The following SRCIN1 variants were observed in gnomAD, a reference collection of about 807,000 sequenced individuals.
SRCIN1 encodes SRC kinase signaling inhibitor 1.
In SRCIN1, 50 loss-of-function variants were observed where a neutral mutation model predicts 116.2. That is an observed-to-expected ratio of 0.43 (90% confidence interval 0.34 to 0.54). The LOEUF (loss-of-function observed/expected upper bound fraction) is 0.54. Ranked by LOEUF, SRCIN1 falls within the 20% of genes least tolerant of loss-of-function variation. SRCIN1 has a pLI of 0.02. For synonymous variants in SRCIN1, 736 were observed against 750.0 expected, an observed-to-expected ratio of 0.98 and a Z score of 0.30; for missense variants, 1,446 against 1,672.0, an observed-to-expected ratio of 0.86 and a Z score of 2.36.
At chr17:38,565,433 A>G (rs1307892165) in intron 3 of SRCIN1, among the ~76,000 whole-genome samples, 3 of 152,186 alleles carry the variant, frequency 2.0e-5, no homozygotes, top group Non-Finnish European at 4.4e-5. Context: ...CAAATTGTCT[A>G]TTTTTAACAA....
chr17:38,564,361 C>CG (rs1906530674), intron 3 of SRCIN1, 48 bp from the exon 4 acceptor site: 1 of 1,205,024 alleles, frequency 8.3e-7, no homozygotes, highest in Non-Finnish European at 1.1e-6. Context: ...AGCACCCCCC[C>CG]TCCCCTTTGC....
chr17:38,605,718 C>CG lies in SRCIN1; in HGVS notation c.-14dup, dbSNP rs1174657023. 2 of 1,056,068 alleles carry CG rather than the reference C, an allele frequency of 1.9e-6. No individual in the cohort carries two copies. Among genetic ancestry groups the CG allele is most frequent in the Admixed American group, 4.9e-5 (1 of 20,316 alleles). The allele number at this position is 1,056,068 out of a possible 1,614,324, so 65.4% of individuals were successfully genotyped here. ...GAGCGTTCCCCATCGGGCGGGGGCG[C>CG]GGGGGGCGGGGGCCCCGGGCCGGCC... On this transcript the variant is annotated 5_prime_UTR_variant, in exon 1 of 19. Transcript: ENST00000617146.
chr17:38,605,497 C>A (rs1909308965), intron 1 of SRCIN1, among the ~76,000 whole-genome samples, 187 bp downstream of exon 1: 1 of 150,742 alleles, frequency 6.6e-6, no homozygotes, highest in Admixed American at 6.6e-5. Flanking sequence ...TTCTCCCAAG[C>A]CCGGCGCACA....
chr17:38,589,070 A>G (rs1908299617), intron 1 of SRCIN1, among the ~76,000 whole-genome samples: 1 of 152,216 alleles, frequency 6.6e-6, no homozygotes, highest in Admixed American at 6.5e-5. Flanking sequence ...GCACCTCGGC[A>G]TGCGCCTGGC....
At position 38,563,680 on chromosome 17, in the gene SRCIN1, C is replaced by T. The variant is rs765497931; in HGVS notation, c.542-159G>A. 14 of 1,046,456 alleles carry T rather than the reference C, an allele frequency of 1.3e-5. No individual in the cohort carries two copies. The highest frequency in any genetic ancestry group is 1.9e-5 in the Non-Finnish European group (13 of 702,086). The allele number at this position is 1,046,456 out of a possible 1,614,324, so 64.8% of individuals were successfully genotyped here. A position where few individuals can be genotyped will look rare whatever the true frequency, so the allele number is the denominator to read the frequency against. ...CAGATGCACCCAGGCACCTCTCATG[C>T]TGCCGGCGGGGGCGCCAGGCCGGCT... On this transcript the variant is annotated intron_variant, in intron 4 of 18. Transcript: ENST00000617146. The surrounding 1 kb of genome is among the most constrained non-coding windows in gnomAD (Gnocchi z 5.8).
At chr17:38,570,681 G>T (rs1291646544) in intron 2 of SRCIN1, among the ~76,000 whole-genome samples, 1 of 152,248 alleles carries the variant, frequency 6.6e-6, no homozygotes, top group Non-Finnish European at 1.5e-5. Flanking sequence ...TAAAGACAGG[G>T]CCTGGCCACA....
At chr17:38,606,702 C>T (rs1223187774), upstream of SRCIN1, among the ~76,000 whole-genome samples, 2 of 152,362 alleles carry the variant, frequency 1.3e-5, no homozygotes, top group East Asian at 1.9e-4. The surrounding 1 kb of genome is among the most constrained non-coding windows in gnomAD (Gnocchi z 5.2). Context: ...CCGCAGAGCA[C>T]TAGCTCGGCT....
At position 38,558,173 on chromosome 17, in the gene SRCIN1, C is replaced by A; in HGVS notation, c.2201+54G>T. On this transcript the variant is annotated intron_variant, in intron 11 of 18. Transcript: ENST00000617146. This position sits in a 1 kb window ranked among gnomAD's most constrained non-coding sequence, Gnocchi z 4.6. ...TGCGCCTCCCAGGGAAACCAGGTTG[C>A]GGGTCACTCCAGCCGCACCCCCACC... The A allele has an allele frequency of 3.8e-6, 6 of 1,582,368 alleles. No individual in the cohort carries two copies. Among genetic ancestry groups the A allele is most frequent in the Admixed American group, 1.7e-5 (1 of 57,718 alleles).
chr17:38,584,244 C>T (rs368150706), intron 1 of SRCIN1, among the ~76,000 whole-genome samples: 5 of 152,302 alleles, frequency 3.3e-5, no homozygotes, highest in African/African-American at 1.2e-4. Context: ...CCTGAAGGTT[C>T]CCCCCAACCC....
At chr17:38,584,139 A>G (rs1014636216) in intron 1 of SRCIN1, among the ~76,000 whole-genome samples, 4 of 152,030 alleles carry the variant, frequency 2.6e-5, no homozygotes, top group African/African-American at 9.7e-5. Context: ...TTCTGCTGGG[A>G]GAGGGATAGG....
chr17:38,553,556 T>G (rs1905589004), intron 11 of SRCIN1, among the ~76,000 whole-genome samples: 1 of 152,148 alleles, frequency 6.6e-6, no homozygotes, highest in Non-Finnish European at 1.5e-5. Flanking sequence ...GCCATGTCCA[T>G]TGCCCTTCTC....
chr17:38,546,027 C>A (rs1006667334), intron 17 of SRCIN1, among the ~76,000 whole-genome samples: 1 of 152,216 alleles, frequency 6.6e-6, no homozygotes, highest in Non-Finnish European at 1.5e-5. Context: ...TGCCCCCTGA[C>A]AAATCCTCTG....
At position 38,605,257 on chromosome 17, in the gene SRCIN1, C is replaced by T. The variant is rs1158540726; in HGVS notation, c.22+427G>A. Among the ~76,000 whole-genome samples the T allele has an allele frequency of 3.3e-5, 5 of 151,182 alleles. No individual in the cohort carries two copies. In the South Asian group the frequency reaches 1.1e-3, roughly 32 times the overall value. ...CCCCTCACTTCTCCATCCCCTTCCC[C>T]TCCCCTGCATCCTCCACTTCCCCCA... On this transcript the variant is annotated intron_variant, in intron 1 of 18. Transcript: ENST00000617146.
intron 1 of SRCIN1, 24 bp from the exon 2 acceptor site, chr17:38,578,815 G>T: frequency 6.8e-7 from 1 of 1,460,186 alleles, no homozygotes; most frequent in Non-Finnish European, 9.0e-7. Context: ...GAGGGGCACG[G>T]CTGGGTCACG....
In SRCIN1 at chr17:38,562,092, G is replaced by C. The variant is rs1158215320; in HGVS notation, c.1071C>G (p.Ala357=). The change falls in exon 7 of 19, where the codon GCC becomes GCG. Residue 357 remains alanine (A), a synonymous_variant. Coordinates refer to ENST00000617146, the MANE Select transcript of SRCIN1 (RefSeq NM_025248.3). The surrounding 1 kb of genome is among the most constrained non-coding windows in gnomAD (Gnocchi z 4.2). ...TGGGGCTGGGGCTGACGCCCTGGGC[G>C]GCCGGGGCGCCTCCCAGCCTCTCGG... ...HAAERLGGAP[A]AQGVSPSPSA... is the part of the protein sequence containing the mutation. The C allele has an allele frequency of 2.8e-6, 4 of 1,439,694 alleles. No homozygotes were observed. In the African/African-American group the frequency reaches 6.0e-5, roughly 21 times the overall value. The allele number at this position is 1,439,694 out of a possible 1,614,324, so 89.2% of individuals were successfully genotyped here.
At position 38,533,096 on chromosome 17, in the gene SRCIN1, A is replaced by T. The variant is rs2040944918; in HGVS notation, c.*201T>A. 2 of 115,520 alleles carry T rather than the reference A, an allele frequency of 1.7e-5. No individual in the cohort carries two copies. The highest frequency in any genetic ancestry group is 1.9e-4 in the East Asian group (1 of 5,290). The allele number at this position is 115,520 out of a possible 1,614,324, so 7.2% of individuals were successfully genotyped here. ...AAAAGATAATTAAAAGTTAATTGTT[A>T]AAAAAAAAAAAAAAAACAAAACCAA... On this transcript the variant is annotated 3_prime_UTR_variant, in exon 19 of 19. Transcript: ENST00000617146.
chr17:38,571,789 G>A (rs1453508013), intron 2 of SRCIN1, among the ~76,000 whole-genome samples: 2 of 152,180 alleles, frequency 1.3e-5, no homozygotes, highest in East Asian at 3.8e-4. Context: ...GGGGAAAGGA[G>A]TGTCTCTCAA....
rs1344246097 is a variant in SRCIN1 at position 38,582,630 on chromosome 17, A to C, written c.23-3839T>G. 3.3e-5 allele frequency among the ~76,000 whole-genome samples: 5 copies of C among 152,044 alleles called. No individual in the cohort carries two copies. In the East Asian group the frequency reaches 7.7e-4, roughly 23 times the overall value. On this transcript the variant is annotated intron_variant, in intron 1 of 18. Transcript: ENST00000617146. ...TACTAAGGGGTGGCAGAGAGAGGGG[A>C]GGGGGCAGGAGAGATGATCTGCTCT...
chr17:38,550,338 C>A (rs1325711731), intron 15 of SRCIN1, among the ~76,000 whole-genome samples: 1 of 151,664 alleles, frequency 6.6e-6, no homozygotes, highest in African/African-American at 2.4e-5. Context: ...ACTAAAAATA[C>A]AAAAAAATTA....
Sources: gnomAD v4.1 joint callset for allele counts (sites outside exome capture counted in the v4.1 genomes callset) on GRCh38, gnomAD v4.1.1 for gene constraint, Gnocchi (gnomAD v3.1) non-coding constraint, MANE v1.5 for transcripts, NCBI Gene and HGNC (gene_info 2026-07-23, HGNC 2026-07-21) for gene names.